Variants in NFIC observed in about 807,000 individuals in gnomAD.
NFIC encodes nuclear factor 1 C-type.
Under a neutral mutation model 54.4 loss-of-function variants are expected in NFIC, and 12 were observed. The ratio of observed to expected loss-of-function variants is 0.22; its 90% CI spans 0.14 to 0.36. NFIC has a LOEUF of 0.36. NFIC is among the 10% of genes least tolerant of loss of function. NFIC has a pLI of 1.00. For missense variants in NFIC, 575 were observed against 718.2 expected (o/e 0.80, Z 2.28); for synonymous variants, 322 against 319.2 (o/e 1.01, Z -0.09).
At chr19:3,368,430 C>G (rs2080935859) in intron 1 of NFIC, among the ~76,000 whole-genome samples, 1 of 152,136 alleles carries the variant, frequency 6.6e-6, no homozygotes, top group Admixed American at 6.5e-5. Context: ...AGGGCAAGGA[C>G]CAGCCAGGAG....
At chr19:3,371,712 A>G (rs80158771) in intron 1 of NFIC, 24,854 of 151,990 alleles carry the variant, frequency 0.16, 2,342 homozygotes, top group East Asian at 0.45. Flanking sequence ...TGAACACCCC[A>G]GAGGCATTTT....
intron 3 of NFIC, among the ~76,000 whole-genome samples, chr19:3,427,323 C>T (rs1251905156): frequency 9.2e-5 from 14 of 152,172 alleles, no homozygotes; most frequent in Non-Finnish European, 1.9e-4. Context: ...GCACGGGTGT[C>T]TGCTCATCTC....
chr19:3,423,680 C>T (rs780881360), intron 2 of NFIC, among the ~76,000 whole-genome samples: 1 of 152,102 alleles, frequency 6.6e-6, no homozygotes, highest in Admixed American at 6.6e-5. Flanking sequence ...TGTCTGCCTG[C>T]GCGTCTGCCA....
rs979931064 is a variant in NFIC at position 3,369,496 on chromosome 19, C to T, written c.30+2830C>T. ...TAGCTGATCCGACCCGGATCCTTCT[C>T]GGGAGCCGAGGCTGGCGGGGGGTGG... On this transcript the variant is annotated intron_variant, in intron 1 of 10. Transcript: ENST00000443272. This position sits in a 1 kb window ranked among gnomAD's most constrained non-coding sequence, Gnocchi z 4.3. Among the ~76,000 whole-genome samples, 1 of 152,056 alleles carries T rather than the reference C, an allele frequency of 6.6e-6. No individual in the cohort carries two copies. The highest frequency in any genetic ancestry group is 6.5e-5 in the Admixed American group (1 of 15,276).
chr19:3,457,079 C>A (rs752961548), intron 10 of NFIC, among the ~76,000 whole-genome samples: 1 of 152,210 alleles, frequency 6.6e-6, no homozygotes, highest in African/African-American at 2.4e-5. Context: ...CCGGGGGAAA[C>A]TGAGGCAGCC....
At chr19:3,363,236 T>TGTGTGC (rs1555736619), upstream of NFIC, among the ~76,000 whole-genome samples, 33 of 63,852 alleles carry the variant, frequency 5.2e-4, 1 homozygote, top group African/African-American at 2.7e-3. Flanking sequence ...TATGTGTATG[T>TGTGTGC]GTGTGTATAT....
Position 3,465,682 on chromosome 19 carries a change from G to A in NFIC, c.*2913G>A, listed in dbSNP as rs150732039. On this transcript the variant is annotated 3_prime_UTR_variant, in exon 11 of 11. Coordinates refer to ENST00000443272, the MANE Select transcript of NFIC (RefSeq NM_001245002.2). ...GGGCCCATCTTGGCCCTGGGAAAGG[G>A]CTCTCCTCTCTGATTGGTCCCTAGG... The A allele has an allele frequency of 7.8e-3, 1,190 of 152,310 alleles. 14 individuals are homozygous for A. Among genetic ancestry groups the A allele is most frequent in the South Asian group, 0.024 (117 of 4,826 alleles). 9.4% of individuals were successfully genotyped at this position (152,310 alleles called of 1,614,324 possible).
Position 3,369,415 on chromosome 19 carries a change from T to C in NFIC, c.30+2749T>C, listed in dbSNP as rs2080958434. Among the ~76,000 whole-genome samples the C allele has an allele frequency of 6.8e-6, 1 of 147,260 alleles. No individual in the cohort carries two copies. On this transcript the variant is annotated intron_variant, in intron 1 of 10. Transcript: ENST00000443272. This position sits in a 1 kb window ranked among gnomAD's most constrained non-coding sequence, Gnocchi z 4.3. ...CTCTCTCTGTCTCTGGGCCTCCCTCTCCCCCTTTTCCCAGCTAATTTTACA... is the reference window on the plus strand; with the variant it reads ...CTCTCTCTGTCTCTGGGCCTCCCTCCCCCCCTTTTCCCAGCTAATTTTACA...
chr19:3,454,726 C>G (rs1025461810), intron 9 of NFIC, among the ~76,000 whole-genome samples: 5 of 151,706 alleles, frequency 3.3e-5, no homozygotes, highest in South Asian at 2.1e-4. Flanking sequence ...CCCTCACCCC[C>G]CTTTTTGAGC....
rs370082450 is a variant in NFIC at position 3,379,673 on chromosome 19, C to CTTTTTTT, written c.31-2022_31-2016dup. Among the ~76,000 whole-genome samples, 88 of 102,514 alleles carry CTTTTTTT rather than the reference C, an allele frequency of 8.6e-4. 1 individual carries two copies. The highest frequency in any genetic ancestry group is 3.0e-3 in the African/African-American group (64 of 21,472). 67.3% of individuals were successfully genotyped at this position (102,514 alleles called of 152,430 possible). On this transcript the variant is annotated intron_variant, in intron 1 of 10. Coordinates refer to ENST00000443272, the MANE Select transcript of NFIC (RefSeq NM_001245002.2). The stretch of plus-strand genomic sequence containing the variant: ...ATTTTTCATTTTTTTTTATTTCTTT[C>CTTTTTTT]TTTTTTTTTTTTTTTTTTTTTTTGA...
intron 1 of NFIC, among the ~76,000 whole-genome samples, chr19:3,377,695 T>TCGA (rs1043564232): frequency 2.0e-5 from 3 of 152,094 alleles, no homozygotes; most frequent in Admixed American, 6.6e-5. Context: ...CACTGCAGCC[T>TCGA]CGACCTCTGA....
At chr19:3,401,883 A>G (rs887984334) in intron 2 of NFIC, among the ~76,000 whole-genome samples, 2 of 151,488 alleles carry the variant, frequency 1.3e-5, no homozygotes, top group African/African-American at 4.9e-5. Flanking sequence ...CACCTCACCC[A>G]GCTAATTTTT....
At position 3,370,866 on chromosome 19, in the gene NFIC, G is replaced by A. The variant is rs1021132736; in HGVS notation, c.30+4200G>A. Among the ~76,000 whole-genome samples, 4 of 151,940 alleles carry A rather than the reference G, an allele frequency of 2.6e-5. No individual in the cohort carries two copies. The highest frequency in any genetic ancestry group is 2.1e-4 in the South Asian group (1 of 4,828). On this transcript the variant is annotated intron_variant, in intron 1 of 10. Coordinates refer to ENST00000443272, the MANE Select transcript of NFIC (RefSeq NM_001245002.2). This position sits in a 1 kb window ranked among gnomAD's most constrained non-coding sequence, Gnocchi z 5.2. ...CCCCCACTCTCCTGCCTGTGTCCAC[G>A]CCGACCTCACCTGGGTGCCCATCTG...
intron 1 of NFIC, chr19:3,359,738 C>A: frequency 7.2e-7 from 1 of 1,380,832 alleles, no homozygotes; most frequent in Non-Finnish European, 9.5e-7. Flanking sequence ...TGGGGTGGTG[C>A]GTGGGCTCCG....
intron 5 of NFIC, 29 bp downstream of exon 5, chr19:3,434,429 A>G (rs2082166787): frequency 6.4e-7 from 1 of 1,568,590 alleles, no homozygotes; most frequent in African/African-American, 1.4e-5. Flanking sequence ...ACCTCTGGGC[A>G]TTTCATGACC....
intron 2 of NFIC, among the ~76,000 whole-genome samples, chr19:3,399,236 G>A (rs2081514880): frequency 1.3e-5 from 2 of 152,212 alleles, no homozygotes; most frequent in Non-Finnish European, 2.9e-5. Context: ...ATAAAATAGC[G>A]CCTGCTCTGT....
chr19:3,365,785 C>T (rs551722125), upstream of NFIC, among the ~76,000 whole-genome samples: 21 of 152,306 alleles, frequency 1.4e-4, no homozygotes, highest in Non-Finnish European at 2.1e-4. Flanking sequence ...CCACCCCTCC[C>T]CTGCCCCTTG....
At chr19:3,384,218 C>T (rs1599584753) in intron 2 of NFIC, among the ~76,000 whole-genome samples, 1 of 151,222 alleles carries the variant, frequency 6.6e-6, no homozygotes, top group Non-Finnish European at 1.5e-5. Flanking sequence ...CCACACCCAG[C>T]TAATATTTTA....
intron 1 of NFIC, chr19:3,359,811 CG>C: frequency 9.8e-7 from 1 of 1,018,292 alleles, no homozygotes; most frequent in South Asian, 2.9e-5. Context: ...GGGCTCGAGG[CG>C]GGGACCCCCA....
Sources: allele counts gnomAD v4.1 joint callset (sites outside exome capture counted in the v4.1 genomes callset), GRCh38; gene constraint gnomAD v4.1.1; non-coding constraint Gnocchi (gnomAD v3.1); transcripts MANE v1.5; gene names NCBI Gene and HGNC (gene_info 2026-07-23, HGNC 2026-07-21).